Variants in PON3 observed in about 807,000 individuals in gnomAD.
PON3 encodes serum paraoxonase/lactonase 3.
In PON3, 37 loss-of-function variants were observed where a neutral mutation model predicts 36.3. The ratio of observed to expected loss-of-function variants is 1.02; its 90% CI spans 0.78 to 1.34. The LOEUF (loss-of-function observed/expected upper bound fraction) is 1.34, where lower values mean the gene tolerates loss of function less well. Among genes scored for constraint, PON3 ranks in the 40% most tolerant of loss-of-function variants. The pLI, the probability that PON3 is intolerant of heterozygous loss-of-function variation, is 0.00. For missense variants in PON3, 415 were observed against 426.5 expected (o/e 0.97, Z 0.24); for synonymous variants, 155 against 154.8 (o/e 1.00, Z -0.01).
chr7:95,370,277 T>C lies in PON3; in HGVS notation c.367+1896A>G, dbSNP rs17884104. Among the ~76,000 whole-genome samples the C allele has an allele frequency of 6.3e-3, 966 of 152,224 alleles. 9 individuals are homozygous for C. The highest frequency in any genetic ancestry group is 0.022 in the African/African-American group (921 of 41,526). On this transcript the variant is annotated intron_variant, in intron 4 of 8. Coordinates refer to ENST00000265627, the MANE Select transcript of PON3 (RefSeq NM_000940.3). The stretch of plus-strand genomic sequence containing the variant: ...GAAGGAAGGTACAGTTGGGGGCCCA[T>C]GCAGAATCAGGGAAGGCATGCTGGG...
chr7:95,393,130 C>G (rs1261660368), intron 2 of PON3, among the ~76,000 whole-genome samples: 1 of 152,124 alleles, frequency 6.6e-6, no homozygotes, highest in African/African-American at 2.4e-5. Flanking sequence ...CAAGAAAAGG[C>G]AGAAAACTCA....
chr7:95,382,967 A>C (rs1378850738), intron 3 of PON3, among the ~76,000 whole-genome samples: 1 of 152,180 alleles, frequency 6.6e-6, no homozygotes, highest in Non-Finnish European at 1.5e-5. Context: ...AATACTAGCA[A>C]ACCAAATCCA....
intron 2 of PON3, 104 bp downstream of exon 2, chr7:95,394,540 G>T: frequency 1.0e-6 from 1 of 970,274 alleles, no homozygotes. Flanking sequence ...CCCACTGGGA[G>T]GGCTTAAGTA....
In PON3 at chr7:95,396,330, C is replaced by G; in HGVS notation, c.21G>C (p.Leu7=). The change falls in exon 1 of 9, where the codon CTG becomes CTC. Residue 7 remains leucine (L), a synonymous_variant. Coordinates refer to ENST00000265627, the MANE Select transcript of PON3 (RefSeq NM_000940.3). ...AGGACAGGCCGACCCCCAGCAGGAC[C>G]AGCGCCACGAGCTTCCCCATGGTCT... is the stretch of plus-strand genomic sequence containing the variant. MGKLVA[L]VLLGVGLSLV... 6 of 1,614,072 alleles carry G rather than the reference C, an allele frequency of 3.7e-6. No homozygotes were observed. The highest frequency in any genetic ancestry group is 3.4e-6 in the Non-Finnish European group (4 of 1,179,990).
chr7:95,372,980 C>A (rs1323141109), intron 3 of PON3, among the ~76,000 whole-genome samples: 1 of 152,122 alleles, frequency 6.6e-6, no homozygotes, highest in Non-Finnish European at 1.5e-5. Flanking sequence ...GGACAGTGGT[C>A]CTTTCTACTA....
intron 3 of PON3, among the ~76,000 whole-genome samples, chr7:95,378,233 T>C (rs953187499): frequency 1.3e-5 from 2 of 152,106 alleles, no homozygotes; most frequent in Non-Finnish European, 2.9e-5. Flanking sequence ...GAACAAAGCC[T>C]CCAAGAAATA....
At chr7:95,391,235 C>T (rs1227384420) in intron 2 of PON3, among the ~76,000 whole-genome samples, 1 of 152,060 alleles carries the variant, frequency 6.6e-6, no homozygotes, top group African/African-American at 2.4e-5. Flanking sequence ...ACACATGGAA[C>T]CTATTATGGA....
chr7:95,389,362 A>G (rs1217176266), intron 3 of PON3, among the ~76,000 whole-genome samples: 1 of 152,120 alleles, frequency 6.6e-6, no homozygotes, highest in African/African-American at 2.4e-5. Context: ...TAAATTCAAA[A>G]TCCATGTTCT....
intron 3 of PON3, among the ~76,000 whole-genome samples, chr7:95,382,198 A>G (rs1300185270): frequency 1.3e-5 from 2 of 152,224 alleles, no homozygotes; most frequent in Non-Finnish European, 2.9e-5. Flanking sequence ...GACACATTTA[A>G]AGCAGTGTGT....
At chr7:95,391,238 A>G (rs1420623680) in intron 2 of PON3, among the ~76,000 whole-genome samples, 2 of 152,214 alleles carry the variant, frequency 1.3e-5, no homozygotes, top group Admixed American at 6.5e-5. Flanking sequence ...CATGGAACCT[A>G]TTATGGAGTA....
intron 2 of PON3, among the ~76,000 whole-genome samples, chr7:95,394,169 T>G (rs747474154): frequency 2.6e-5 from 4 of 152,070 alleles, no homozygotes; most frequent in Non-Finnish European, 5.9e-5. Flanking sequence ...AGTGCTGGGA[T>G]TACAGGTGTG....
In PON3 at chr7:95,394,655, A is replaced by G. The variant is rs369791366; in HGVS notation, c.134T>C (p.Ile45Thr). 3.7e-6 allele frequency: 6 copies of G among 1,613,968 alleles called. No individual in the cohort carries two copies. The highest frequency in any genetic ancestry group is 5.1e-6 in the Non-Finnish European group (6 of 1,179,958). Reference sequence around the variant, plus strand: ...TGTCACATACATACCAAGTTCCTCAATAAGGTGGCAGTTTTCAGGTTCTAC... The same window carrying G: ...TGTCACATACATACCAAGTTCCTCAGTAAGGTGGCAGTTTTCAGGTTCTAC... ...EPVEPENCHL[I>T]EELESGSEDI... Residue 45 changes from isoleucine to threonine, a missense_variant, in exon 2 of 9, where the codon ATT (isoleucine) becomes ACT (threonine). Coordinates refer to ENST00000265627, the MANE Select transcript of PON3 (RefSeq NM_000940.3).
chr7:95,372,022 A>G, intron 4 of PON3, 151 bp downstream of exon 4: 1 of 959,744 alleles, frequency 1.0e-6, no homozygotes, highest in Admixed American at 2.3e-5. Context: ...AATGTTTACA[A>G]GGTTTTATAC....
chr7:95,387,516 T>A (rs905263354), intron 3 of PON3, among the ~76,000 whole-genome samples: 10 of 152,148 alleles, frequency 6.6e-5, no homozygotes, highest in African/African-American at 1.9e-4. Flanking sequence ...TCCATGCTCA[T>A]GGATAGGAAG....
chr7:95,381,513 C>T (rs748501188), intron 3 of PON3, among the ~76,000 whole-genome samples: 9 of 151,916 alleles, frequency 5.9e-5, no homozygotes, highest in East Asian at 1.9e-4. Context: ...GGAAGATCTA[C>T]TAAAGAAATG....
rs749336377 is a variant in PON3, at chr7:95,359,961, A to G, written c.*12T>C. On this transcript the variant is annotated 3_prime_UTR_variant, in exon 9 of 9. Transcript: ENST00000265627. Reference sequence around the variant, plus strand: ...ATGTAGACTTTTTTTTTTTTTTTTTACTATCTAGAGTCTAGAGCTCACAGT... The same window carrying G: ...ATGTAGACTTTTTTTTTTTTTTTTTGCTATCTAGAGTCTAGAGCTCACAGT... 8 of 1,476,282 alleles carry G rather than the reference A, an allele frequency of 5.4e-6. No homozygotes were observed. In the African/African-American group the frequency reaches 8.7e-5, roughly 16 times the overall value. The allele number at this position is 1,476,282 out of a possible 1,614,324, so 91.4% of individuals were successfully genotyped here.
chr7:95,369,814 A>G (rs964272963), intron 4 of PON3, among the ~76,000 whole-genome samples: 1 of 152,174 alleles, frequency 6.6e-6, no homozygotes, highest in Non-Finnish European at 1.5e-5. Flanking sequence ...GAATGATTTT[A>G]AAAAAGAGGT....
intron 2 of PON3, among the ~76,000 whole-genome samples, chr7:95,391,242 T>C (rs1473443755): frequency 1.3e-5 from 2 of 152,170 alleles, no homozygotes; most frequent in Admixed American, 6.5e-5. Context: ...GAACCTATTA[T>C]GGAGTAGAAG....
chr7:95,375,885 G>A (rs1393263687), intron 3 of PON3, among the ~76,000 whole-genome samples: 1 of 152,176 alleles, frequency 6.6e-6, no homozygotes, highest in African/African-American at 2.4e-5. Flanking sequence ...AGACATGCAG[G>A]AATCTTATTT....
Sources: allele counts gnomAD v4.1 joint callset (sites outside exome capture counted in the v4.1 genomes callset), GRCh38; gene constraint gnomAD v4.1.1; transcripts MANE v1.5; gene names NCBI Gene and HGNC (gene_info 2026-07-23, HGNC 2026-07-21).